The following ABCC4 variants were observed in gnomAD, a reference collection of about 807,000 sequenced individuals.
The protein encoded by ABCC4 is ATP-binding cassette sub-family C member 4.
A neutral mutation model predicts 168.5 loss-of-function variants in ABCC4; 102 were observed. The observed-to-expected ratio is 0.61, with a 90% CI of 0.52 to 0.71. The LOEUF is 0.71. Ranked by LOEUF, ABCC4 falls within the 30% of genes least tolerant of loss-of-function variation. The pLI is 0.00. For synonymous variants in ABCC4, 617 were observed against 590.7 expected (o/e 1.04, Z -0.65); for missense variants, 1,402 against 1,605.8 (o/e 0.87, Z 2.17).
intron 13 of ABCC4, among the ~76,000 whole-genome samples, chr13:95,173,172 T>C (rs2037538471): frequency 6.6e-6 from 1 of 152,262 alleles, no homozygotes; most frequent in Admixed American, 6.5e-5. Context: ...GGTTGTACTT[T>C]AGAGGGAGTG....
intron 5 of ABCC4, 136 bp downstream of exon 5, chr13:95,210,556 G>A: frequency 1.4e-6 from 1 of 701,948 alleles, no homozygotes; most frequent in Non-Finnish European, 2.4e-6. Context: ...GAGCCCAGGA[G>A]TTCAAGCCTT....
intron 27 of ABCC4, among the ~76,000 whole-genome samples, chr13:95,048,840 A>T (rs2032704061): frequency 6.6e-6 from 1 of 152,110 alleles, no homozygotes; most frequent in Non-Finnish European, 1.5e-5. Flanking sequence ...CTGCTGATTC[A>T]TTTTCTTAGT....
At chr13:95,286,956 C>CAAAAAAA (rs34188007) in intron 1 of ABCC4, among the ~76,000 whole-genome samples, 1 of 118,870 alleles carries the variant, frequency 8.4e-6, no homozygotes, top group Non-Finnish European at 1.7e-5. Context: ...AACTCTGTCT[C>CAAAAAAA]AAAAAAAAAA....
chr13:95,246,825 C>T, intron 3 of ABCC4, 150 bp downstream of exon 3: 1 of 874,516 alleles, frequency 1.1e-6, no homozygotes, highest in Non-Finnish European at 1.8e-6. Context: ...ACTTCCTAGA[C>T]ATGTTTAATC....
intron 4 of ABCC4, among the ~76,000 whole-genome samples, chr13:95,223,665 C>G (rs964651824): frequency 1.9e-4 from 29 of 152,130 alleles, no homozygotes; most frequent in African/African-American, 6.3e-4. Context: ...CCACACCCAG[C>G]TAAATTTTGT....
intron 23 of ABCC4, 31 bp from the exon 24 acceptor site, chr13:95,073,335 A>T: frequency 6.4e-7 from 1 of 1,569,688 alleles, no homozygotes; most frequent in South Asian, 1.1e-5. Flanking sequence ...GAATAAAGTC[A>T]GTCTCACTTC....
chr13:95,078,575 A>T (rs567957948), intron 21 of ABCC4, among the ~76,000 whole-genome samples: 13 of 152,178 alleles, frequency 8.5e-5, no homozygotes, highest in Non-Finnish European at 1.9e-4. Context: ...CTTCTGTGAG[A>T]AAGGCTGGAT....
chr13:95,263,811 T>A (rs1395848632), intron 1 of ABCC4, among the ~76,000 whole-genome samples: 1 of 135,678 alleles, frequency 7.4e-6, no homozygotes, highest in Non-Finnish European at 1.6e-5. Flanking sequence ...TAACAGAGAC[T>A]CTGTCTCAAA....
chr13:95,174,732 TGGGGCCTCGCGCAAGACTCAA>T (rs2037608033), intron 13 of ABCC4, among the ~76,000 whole-genome samples: 1 of 151,916 alleles, frequency 6.6e-6, no homozygotes, highest in Admixed American at 6.6e-5. Context: ...AAAGAACTGG[TGGGGCCTCGCGCAAGACTCAA>T]GCAAGCCACA....
chr13:95,138,573 C>T (rs2036211742), intron 19 of ABCC4, among the ~76,000 whole-genome samples: 1 of 152,104 alleles, frequency 6.6e-6, no homozygotes, highest in African/African-American at 2.4e-5. Context: ...CCTGGAATCT[C>T]AGCACTTTAT....
At chr13:95,134,814 A>C (rs1252801232) in intron 19 of ABCC4, among the ~76,000 whole-genome samples, 1 of 152,124 alleles carries the variant, frequency 6.6e-6, no homozygotes, top group East Asian at 1.9e-4. Flanking sequence ...TGGGAAGAGG[A>C]GTGCAAGAGG....
At chr13:95,218,895 G>GAGAGAGAGAAAGAGAGA (rs1335189049) in intron 4 of ABCC4, among the ~76,000 whole-genome samples, 4 of 39,120 alleles carry the variant, frequency 1.0e-4, no homozygotes, top group African/African-American at 4.6e-4. Flanking sequence ...AGACAGATGA[G>GAGAGAGAGAAAGAGAGA]AGAGAGAGAA....
chr13:95,219,417 A>G (rs2039248770), intron 4 of ABCC4, among the ~76,000 whole-genome samples: 1 of 152,124 alleles, frequency 6.6e-6, no homozygotes, highest in Admixed American at 6.5e-5. Flanking sequence ...GGACAAATAC[A>G]TGGTCTAGGG....
Position 95,247,021 on chromosome 13 carries a change from C to T in ABCC4, c.260G>A (p.Cys87Tyr). ...CAAAACTAAATAAGATTTCCAGTAA[C>T]ACTTTATGATTGCTCTTGTTAAAGA... ...KPSLTRAIIK[C>Y]YWKSYLVLGI... Residue 87 changes from cysteine (C) to tyrosine (Y), a missense_variant, in exon 3 of 31, where the codon TGT becomes TAT. Physicochemically the swap from Cys to Tyr is radical, Grantham distance 194. Coordinates refer to ENST00000645237, the MANE Select transcript of ABCC4 (RefSeq NM_005845.5). 1.2e-6 allele frequency: 2 copies of T among 1,612,300 alleles called. No individual in the cohort carries two copies. The highest frequency in any genetic ancestry group is 1.7e-6 in the Non-Finnish European group (2 of 1,178,446).
intron 30 of ABCC4, among the ~76,000 whole-genome samples, chr13:95,028,550 G>GT (rs763617026): frequency 2.0e-5 from 3 of 152,048 alleles, no homozygotes; most frequent in Non-Finnish European, 4.4e-5. Flanking sequence ...ATTGCAGAAT[G>GT]TATAAATAAA....
At chr13:95,146,674 G>T (rs1264151500) in intron 19 of ABCC4, among the ~76,000 whole-genome samples, 1 of 152,222 alleles carries the variant, frequency 6.6e-6, no homozygotes, top group Non-Finnish European at 1.5e-5. Context: ...TGGATCTACT[G>T]TGTGGATGCT....
intron 10 of ABCC4, among the ~76,000 whole-genome samples, chr13:95,187,125 T>G (rs1452445821): frequency 6.6e-6 from 1 of 152,206 alleles, no homozygotes; most frequent in Admixed American, 6.5e-5. Flanking sequence ...CCTAATGAGT[T>G]TCCCTAAATG....
chr13:95,296,170 ACACACACACACAC>A (rs2041528281), intron 1 of ABCC4, among the ~76,000 whole-genome samples: 4 of 105,160 alleles, frequency 3.8e-5, no homozygotes, highest in African/African-American at 1.3e-4. Flanking sequence ...ACACACACAC[ACACACACACACAC>A]AAAAACACAA....
At chr13:95,286,558 G>C (rs2041261483) in intron 1 of ABCC4, among the ~76,000 whole-genome samples, 1 of 151,842 alleles carries the variant, frequency 6.6e-6, no homozygotes, top group Admixed American at 6.6e-5. Flanking sequence ...CATTTCTGGG[G>C]GGACTTACAA....
Sources: allele counts gnomAD v4.1 joint callset (sites outside exome capture counted in the v4.1 genomes callset), GRCh38; gene constraint gnomAD v4.1.1; transcripts MANE v1.5; gene names NCBI Gene and HGNC (gene_info 2026-07-23, HGNC 2026-07-21).